Variants in RAD51B observed in about 807,000 individuals in gnomAD.
RAD51B encodes the protein RAD51 paralog B, also known as DNA repair protein RAD51 homolog 2.
A neutral mutation model predicts 42.2 loss-of-function variants in RAD51B; 38 were observed. That is an observed-to-expected ratio of 0.90 (90% CI 0.70 to 1.18). The LOEUF (loss-of-function observed/expected upper bound fraction) is 1.18. RAD51B is among the 50% of genes most tolerant of loss of function. The probability of loss-of-function intolerance (pLI) is 0.00; values close to 1 mark genes in which losing one functional copy is unlikely to be tolerated. For synonymous variants in RAD51B, 154 were observed against 145.2 expected (o/e 1.06, Z -0.43); for missense variants, 373 against 400.7 (o/e 0.93, Z 0.59).
At chr14:68,560,359 C>T (rs953860354) in intron 10 of RAD51B, among the ~76,000 whole-genome samples, 3 of 152,176 alleles carry the variant, frequency 2.0e-5, no homozygotes, top group Non-Finnish European at 4.4e-5. Context: ...ATCTCATATT[C>T]GGCATACAGT....
intron 8 of RAD51B, among the ~76,000 whole-genome samples, chr14:68,387,857 G>A (rs142287141): frequency 6.4e-4 from 97 of 152,100 alleles, no homozygotes; most frequent in African/African-American, 2.2e-3. Context: ...TGCCTTAAGT[G>A]TAAAATATGC....
chr14:68,371,736 A>G (rs373794249), intron 8 of RAD51B, among the ~76,000 whole-genome samples: 154 of 152,310 alleles, frequency 1.0e-3, no homozygotes, highest in African/African-American at 3.5e-3. Flanking sequence ...CTGTAGTCCC[A>G]GCTACTTGGG....
intron 10 of RAD51B, among the ~76,000 whole-genome samples, chr14:68,609,419 G>A (rs918682979): frequency 6.6e-6 from 1 of 151,982 alleles, no homozygotes; most frequent in Non-Finnish European, 1.5e-5. Context: ...TTCCCACAGG[G>A]CCCCTGGAGT....
intron 10 of RAD51B, among the ~76,000 whole-genome samples, chr14:68,499,490 T>C (rs1884771698): frequency 6.6e-6 from 1 of 152,060 alleles, no homozygotes; most frequent in Admixed American, 6.5e-5. Flanking sequence ...TTTTGCAGGG[T>C]TAGTGGATGC....
chr14:67,967,708 C>T (rs2074810291), intron 7 of RAD51B, among the ~76,000 whole-genome samples: 2 of 152,176 alleles, frequency 1.3e-5, no homozygotes, highest in Non-Finnish European at 2.9e-5. Flanking sequence ...GCACCTGTGG[C>T]TTTGCAGGGT....
chr14:68,430,097 A>T (rs1375891057), intron 9 of RAD51B, among the ~76,000 whole-genome samples: 1 of 152,144 alleles, frequency 6.6e-6, no homozygotes, highest in African/African-American at 2.4e-5. Flanking sequence ...GTTCCGTTCC[A>T]TTGGTCTATA....
chr14:68,125,749 G>GTT lies in RAD51B; in HGVS notation c.757-166132_757-166131dup, dbSNP rs200535359. On this transcript the variant is annotated intron_variant, in intron 7 of 10. Transcript: ENST00000471583. ...TAGGTATTTAAGAGGTTTTTGTTTTGTTTTGTTTTGTTTTTTCAAAGATAA... is the reference window on the plus strand; with the variant it reads ...TAGGTATTTAAGAGGTTTTTGTTTTGTTTTTTGTTTTGTTTTTTCAAAGATAA... 8.4e-4 allele frequency among the ~76,000 whole-genome samples: 118 copies of GTT among 141,166 alleles called. 1 individual carries two copies. The highest frequency in any genetic ancestry group is 3.6e-3 in the Middle Eastern group (1 of 274). 92.6% of individuals were successfully genotyped at this position (141,166 alleles called of 152,430 possible).
chr14:68,202,123 C>G (rs2079498138), intron 7 of RAD51B, among the ~76,000 whole-genome samples: 1 of 152,114 alleles, frequency 6.6e-6, no homozygotes, highest in Admixed American at 6.5e-5. Context: ...GTCTAAAAAA[C>G]CAATGTATAT....
chr14:68,358,235 A>C (rs1217192224), intron 8 of RAD51B, among the ~76,000 whole-genome samples: 1 of 152,242 alleles, frequency 6.6e-6, no homozygotes, highest in Non-Finnish European at 1.5e-5. Context: ...AACATGACAC[A>C]GACATGAAGC....
intron 7 of RAD51B, chr14:68,114,018 G>A (rs1415604132): frequency 2.0e-5 from 3 of 152,102 alleles, no homozygotes; most frequent in Non-Finnish European, 4.4e-5. Context: ...TACAAACAAA[G>A]AGTTTCTCTC....
intron 10 of RAD51B, among the ~76,000 whole-genome samples, chr14:68,508,173 G>C (rs887925944): frequency 6.6e-6 from 1 of 152,192 alleles, no homozygotes; most frequent in African/African-American, 2.4e-5. Context: ...CAGGGCTCCA[G>C]TTGTTGATGG....
chr14:68,505,991 A>G (rs1885288958), intron 10 of RAD51B, among the ~76,000 whole-genome samples: 1 of 152,200 alleles, frequency 6.6e-6, no homozygotes, highest in Non-Finnish European at 1.5e-5. Flanking sequence ...GTGGGCCAAA[A>G]TCCCTAGAGG....
intron 4 of RAD51B, chr14:67,857,917 A>C (rs2042048155): frequency 6.6e-6 from 1 of 152,484 alleles, no homozygotes; most frequent in Non-Finnish European, 1.5e-5. Flanking sequence ...TCTGGCCAGC[A>C]CAGCTCGGAG....
At chr14:67,926,135 C>A (rs575230136) in intron 7 of RAD51B, among the ~76,000 whole-genome samples, 1 of 152,194 alleles carries the variant, frequency 6.6e-6, no homozygotes, top group South Asian at 2.1e-4. Flanking sequence ...CTTTCTGCAG[C>A]CAGCTTGGAT....
At chr14:68,656,726 T>C (rs1314477614) in intron 11 of RAD51B, among the ~76,000 whole-genome samples, 2 of 152,100 alleles carry the variant, frequency 1.3e-5, no homozygotes, top group African/African-American at 2.4e-5. Context: ...CCCCCACCCC[T>C]GAGAGGACCA....
chr14:68,149,892 A>C (rs891657283), intron 7 of RAD51B: 1 of 152,058 alleles, frequency 6.6e-6, no homozygotes, highest in African/African-American at 2.4e-5. Flanking sequence ...CTACAAGTGC[A>C]TGCCACCATG....
chr14:68,590,127 AG>A (rs1202136378), intron 10 of RAD51B, among the ~76,000 whole-genome samples: 1 of 152,206 alleles, frequency 6.6e-6, no homozygotes, highest in African/African-American at 2.4e-5. Context: ...GGTGTCACCC[AG>A]ATGCTGATTC....
chr14:68,167,583 T>C (rs1417440240), intron 7 of RAD51B, among the ~76,000 whole-genome samples: 1 of 152,126 alleles, frequency 6.6e-6, no homozygotes, highest in African/African-American at 2.4e-5. Context: ...ATGACCATAT[T>C]TTCCTCCTCA....
At position 68,296,302 on chromosome 14, in the gene RAD51B, A is replaced by T. The variant is rs1595674062; in HGVS notation, c.853+4322A>T. Reference sequence around the variant, plus strand: ...AAGGATTTTTTCTACATTGTTCTAGACTAGGTACTTTGAGTCACAGTATTT... The same window carrying T: ...AAGGATTTTTTCTACATTGTTCTAGTCTAGGTACTTTGAGTCACAGTATTT... On this transcript the variant is annotated intron_variant, in intron 8 of 10. Coordinates refer to ENST00000471583, the MANE Select transcript of RAD51B (RefSeq NM_133510.4). Among the ~76,000 whole-genome samples, 3 of 152,306 alleles carry T rather than the reference A, an allele frequency of 2.0e-5. No individual in the cohort carries two copies. The South Asian group carries it at 6.2e-4, about 32-fold the overall frequency.
Sources: allele counts gnomAD v4.1 joint callset (sites outside exome capture counted in the v4.1 genomes callset), GRCh38; gene constraint gnomAD v4.1.1; transcripts MANE v1.5; gene names NCBI Gene and HGNC (gene_info 2026-07-23, HGNC 2026-07-21).